TRDN: variants seen among roughly 807,000 people sequenced by gnomAD.
TRDN encodes the protein triadin.
A neutral mutation model predicts 149.7 loss-of-function variants in TRDN; 161 were observed. That is an observed-to-expected ratio of 1.08 (90% CI 0.95 to 1.23). The LOEUF is 1.23. Among genes scored for constraint, TRDN ranks in the 50% most tolerant of loss-of-function variants. The probability of loss-of-function intolerance (pLI) is 0.00; values close to 1 mark genes in which losing one functional copy is unlikely to be tolerated. For synonymous variants in TRDN, 294 were observed against 250.5 expected (o/e 1.17, Z -1.64); for missense variants, 896 against 823.5 (o/e 1.09, Z -1.08).
chr6:123,268,849 G>A (rs916289397), intron 31 of TRDN, among the ~76,000 whole-genome samples: 1 of 151,850 alleles, frequency 6.6e-6, no homozygotes, highest in Non-Finnish European at 1.5e-5. Context: ...TGTTATAACA[G>A]CATTAATAAT....
At chr6:123,276,077 C>G (rs927880685) in intron 26 of TRDN, among the ~76,000 whole-genome samples, 5 of 152,044 alleles carry the variant, frequency 3.3e-5, no homozygotes, top group African/African-American at 1.2e-4. Context: ...CACGGAGCCT[C>G]TTTTATAATG....
chr6:123,613,727 C>T (rs1467376099), intron 1 of TRDN, among the ~76,000 whole-genome samples: 1 of 152,028 alleles, frequency 6.6e-6, no homozygotes, highest in Non-Finnish European at 1.5e-5. Flanking sequence ...CCTTCCAAAG[C>T]CATCATAAAA....
chr6:123,317,589 T>C (rs542775653), intron 23 of TRDN, among the ~76,000 whole-genome samples: 125 of 152,106 alleles, frequency 8.2e-4, no homozygotes, highest in African/African-American at 2.7e-3. Context: ...TTGGCACATA[T>C]TTCTCCCCCT....
intron 38 of TRDN, among the ~76,000 whole-genome samples, chr6:123,231,632 A>G (rs951305616): frequency 2.6e-5 from 4 of 152,090 alleles, no homozygotes; most frequent in African/African-American, 9.7e-5. Flanking sequence ...CCAAATTTAC[A>G]ATGAAGAAAT....
rs555109240 is a variant in TRDN at position 123,490,368 on chromosome 6, G to T, written c.853+6825C>A. 7.9e-5 allele frequency among the ~76,000 whole-genome samples: 12 copies of T among 152,290 alleles called. No individual in the cohort carries two copies. In the South Asian group the frequency reaches 2.5e-3, roughly 32 times the overall value. ...TAGCTTAGAGAGCGTGGATACATCG[G>T]ACAAAGGGATGATTCACATACTTGG... On this transcript the variant is annotated intron_variant, in intron 9 of 40. Coordinates refer to ENST00000334268, the MANE Select transcript of TRDN (RefSeq NM_006073.4).
intron 5 of TRDN, chr6:123,529,400 T>G (rs1465398907): frequency 1.3e-6 from 2 of 1,509,074 alleles, no homozygotes; most frequent in African/African-American, 1.4e-5. Context: ...AGCTTCAATG[T>G]TCTGATTGTT....
intron 1 of TRDN, among the ~76,000 whole-genome samples, chr6:123,577,148 C>T (rs917766915): frequency 6.6e-6 from 1 of 152,026 alleles, no homozygotes; most frequent in Non-Finnish European, 1.5e-5. Flanking sequence ...CAACAAGAAA[C>T]ATTTATTTCT....
intron 25 of TRDN, 86 bp downstream of exon 25, chr6:123,278,969 GA>G: frequency 8.1e-7 from 1 of 1,230,964 alleles, no homozygotes; most frequent in Non-Finnish European, 1.1e-6. Flanking sequence ...ATGAAATCAA[GA>G]TAAATAACAG....
At chr6:123,296,447 C>T (rs1305410882) in intron 24 of TRDN, among the ~76,000 whole-genome samples, 1 of 152,066 alleles carries the variant, frequency 6.6e-6, no homozygotes, top group Non-Finnish European at 1.5e-5. Context: ...TGGGATGCTT[C>T]AATCAGTTTA....
At chr6:123,336,875 G>A (rs970042253) in intron 22 of TRDN, among the ~76,000 whole-genome samples, 23 of 151,046 alleles carry the variant, frequency 1.5e-4, no homozygotes, top group Admixed American at 6.6e-4. Context: ...ACATATATAC[G>A]TACTACAGAA....
intron 20 of TRDN, among the ~76,000 whole-genome samples, chr6:123,354,134 T>C (rs1023565610): frequency 6.6e-6 from 1 of 151,918 alleles, no homozygotes; most frequent in Middle Eastern, 3.4e-3. Context: ...CCTGAAATTA[T>C]CAAATTCCCT....
intron 22 of TRDN, among the ~76,000 whole-genome samples, chr6:123,335,258 A>T (rs74343735): frequency 0.089 from 13,560 of 151,792 alleles, 1,955 homozygotes; most frequent in African/African-American, 0.3. Flanking sequence ...TAAAAAGTAG[A>T]TATATTTATA....
intron 4 of TRDN, among the ~76,000 whole-genome samples, chr6:123,536,073 T>A (rs990765703): frequency 4.6e-5 from 7 of 152,176 alleles, no homozygotes; most frequent in Admixed American, 4.6e-4. Flanking sequence ...TTAACAGTAG[T>A]GTCTACCAGA....
Position 123,366,149 on chromosome 6 carries a change from A to G in TRDN, c.1307T>C (p.Val436Ala), listed in dbSNP as rs777124940. ...TERAKEEIGA[V>A]SIKKAVPGKK... The stretch of plus-strand genomic sequence containing the variant: ...GCTGCATTTACCTTTTTTAATTGAA[A>G]CCGCACCAATCTCCTCTTTGGCTCG... The change falls in exon 20 of 41, where the codon GTT (valine) becomes GCT (alanine). Residue 436 changes from valine to alanine, a missense_variant. Transcript: ENST00000334268. 2.5e-6 allele frequency: 4 copies of G among 1,612,808 alleles called. No individual in the cohort carries two copies. The highest frequency in any genetic ancestry group is 3.4e-6 in the Non-Finnish European group (4 of 1,179,158).
intron 12 of TRDN, among the ~76,000 whole-genome samples, chr6:123,414,608 C>A (rs917723938): frequency 6.6e-6 from 1 of 152,000 alleles, no homozygotes; most frequent in Non-Finnish European, 1.5e-5. Flanking sequence ...AAAGAGTTCC[C>A]AATCAAGAAC....
rs1330602239 is a variant in TRDN, at chr6:123,388,525, C to T, written c.1132G>A (p.Glu378Lys). 2.5e-6 allele frequency: 4 copies of T among 1,587,242 alleles called. No homozygotes were observed. The highest frequency in any genetic ancestry group is 2.3e-5 in the East Asian group (1 of 44,218). Residue 378 changes from glutamate to lysine, a missense_variant, in exon 14 of 41, where the codon GAA becomes AAA. Physicochemically the swap from Glu to Lys is moderately conservative, Grantham distance 56 (BLOSUM62 1). Coordinates refer to ENST00000334268, the MANE Select transcript of TRDN (RefSeq NM_006073.4). Reference protein sequence around the residue: ...QAAAKKDEKKEDSKKTKKPAE... With the variant: ...QAAAKKDEKKKDSKKTKKPAE... ...TGGGATTTTGCATAAAACATACCTT[C>T]CTTCTTTTCATCCTTCTTAGCTGCT...
Position 123,340,436 on chromosome 6 carries a change from G to A in TRDN, c.1370-2767C>T, listed in dbSNP as rs1165934937. On this transcript the variant is annotated intron_variant, in intron 21 of 40. Coordinates refer to ENST00000334268, the MANE Select transcript of TRDN (RefSeq NM_006073.4). ...ATGTTAATACAAATATTTTGTTGGA[G>A]CTTTCTGGCTTGGTGTCAACATTGA... 4.6e-5 allele frequency among the ~76,000 whole-genome samples: 7 copies of A among 152,104 alleles called. No individual in the cohort carries two copies. In the East Asian group the frequency reaches 1.4e-3, roughly 29 times the overall value.
At chr6:123,344,901 C>T (rs1254711368) in intron 21 of TRDN, among the ~76,000 whole-genome samples, 1 of 151,914 alleles carries the variant, frequency 6.6e-6, no homozygotes, top group African/African-American at 2.4e-5. Flanking sequence ...GTTTCTGTTG[C>T]TCTACACCCT....
At chr6:123,302,711 T>G (rs1472017443) in intron 24 of TRDN, among the ~76,000 whole-genome samples, 1 of 152,144 alleles carries the variant, frequency 6.6e-6, no homozygotes, top group African/African-American at 2.4e-5. Context: ...TTTTTCTTTC[T>G]GGAGATAAGG....
Sources: gnomAD v4.1 joint callset for allele counts (sites outside exome capture counted in the v4.1 genomes callset) on GRCh38, gnomAD v4.1.1 for gene constraint, MANE v1.5 for transcripts, NCBI Gene and HGNC (gene_info 2026-07-23, HGNC 2026-07-21) for gene names.